TASP1: variants seen among roughly 807,000 people sequenced by gnomAD.
The protein encoded by TASP1 is taspase 1.
Under a neutral mutation model 56.6 loss-of-function variants are expected in TASP1, and 16 were observed. The observed-to-expected ratio is 0.28, with a 90% CI of 0.19 to 0.43. The LOEUF (loss-of-function observed/expected upper bound fraction) is 0.43, where lower values mean the gene tolerates loss of function less well. Ranked by LOEUF, TASP1 falls within the 20% of genes least tolerant of loss-of-function variation. The pLI is 1.00. For missense variants in TASP1, 393 were observed against 511.6 expected (o/e 0.77, Z 2.24); for synonymous variants, 179 against 184.2 (o/e 0.97, Z 0.23).
intron 10 of TASP1, among the ~76,000 whole-genome samples, chr20:13,499,071 A>C (rs6134890): frequency 0.22 from 33,898 of 152,146 alleles, 3,900 homozygotes; most frequent in Middle Eastern, 0.29. Flanking sequence ...ACCGAGGTGC[A>C]TATTAATGGT....
At chr20:13,258,743 G>A in the TASP1 span, among the ~76,000 whole-genome samples, 344 of 152,138 alleles carry the variant, frequency 2.3e-3, 2 homozygotes, top group Non-Finnish European at 2.9e-3. Context: ...GAATTGTATC[G>A]GGGAAAAATG....
At chr20:13,330,045 C>G in the TASP1 span, among the ~76,000 whole-genome samples, 1 of 152,010 alleles carries the variant, frequency 6.6e-6, no homozygotes, top group East Asian at 1.9e-4. Context: ...CAACCTCTGC[C>G]TCCTAAATTC....
At chr20:13,191,279 T>C in the TASP1 span, among the ~76,000 whole-genome samples, 1 of 152,162 alleles carries the variant, frequency 6.6e-6, no homozygotes, top group Admixed American at 6.5e-5. Context: ...TCGGACGAGG[T>C]ATCTGCATTC....
chr20:13,180,133 T>C, the TASP1 span, among the ~76,000 whole-genome samples: 1 of 152,188 alleles, frequency 6.6e-6, no homozygotes, highest in Admixed American at 6.5e-5. Context: ...AATCTAGTAA[T>C]GATTTCAAGA....
chr20:13,225,355 G>A, the TASP1 span, among the ~76,000 whole-genome samples: 7 of 152,184 alleles, frequency 4.6e-5, no homozygotes, highest in Non-Finnish European at 8.8e-5. Flanking sequence ...ATACACTCAA[G>A]AGAGAGAAAG....
chr20:13,557,402 A>G (rs1395831867), intron 8 of TASP1, among the ~76,000 whole-genome samples: 2 of 152,112 alleles, frequency 1.3e-5, no homozygotes, highest in Non-Finnish European at 2.9e-5. Flanking sequence ...CATTTACTGT[A>G]ATAAAAATCA....
chr20:13,243,653 T>TA, the TASP1 span, among the ~76,000 whole-genome samples: 37,477 of 151,232 alleles, frequency 0.25, 4,698 homozygotes, highest in African/African-American at 0.3. Flanking sequence ...AAGCTATGAA[T>TA]AAAAAAAAAT....
the TASP1 span, among the ~76,000 whole-genome samples, chr20:13,365,020 A>T: frequency 5.9e-5 from 9 of 152,262 alleles, no homozygotes; most frequent in African/African-American, 9.6e-5. Context: ...CAGAACAAAC[A>T]GATCAATTTA....
intron 4 of TASP1, among the ~76,000 whole-genome samples, chr20:13,614,360 G>A (rs753853150): frequency 6.6e-5 from 10 of 150,482 alleles, no homozygotes; most frequent in Non-Finnish European, 1.0e-4. Context: ...AACAACATAC[G>A]TAGTAGAAAC....
At chr20:13,274,648 T>TCCCGCCCCCTCTCCACTC in the TASP1 span, among the ~76,000 whole-genome samples, 1 of 151,192 alleles carries the variant, frequency 6.6e-6, no homozygotes, top group Non-Finnish European at 1.5e-5. Flanking sequence ...AGAGTCCACG[T>TCCCGCCCCCTCTCCACTC]CCCGCCCCCT....
chr20:13,459,635 C>T (rs112169934), intron 11 of TASP1, among the ~76,000 whole-genome samples: 11 of 152,080 alleles, frequency 7.2e-5, no homozygotes, highest in Non-Finnish European at 1.5e-4. Flanking sequence ...CTGACCTATA[C>T]TTTCTTGTTT....
the TASP1 span, among the ~76,000 whole-genome samples, chr20:13,197,235 T>A: frequency 2.6e-5 from 4 of 152,324 alleles, no homozygotes; most frequent in East Asian, 7.7e-4. Context: ...AGACTATTTG[T>A]TTCATCTGGT....
chr20:13,539,535 G>A (rs2045544914), intron 8 of TASP1, among the ~76,000 whole-genome samples: 1 of 152,168 alleles, frequency 6.6e-6, no homozygotes, highest in African/African-American at 2.4e-5. Flanking sequence ...GGACAACAGA[G>A]TAAGACACTA....
chr20:13,305,534 G>A, the TASP1 span, among the ~76,000 whole-genome samples: 2 of 152,174 alleles, frequency 1.3e-5, no homozygotes, highest in East Asian at 3.8e-4. Flanking sequence ...AAAAATGTGT[G>A]GGTCGTCCCA....
intron 8 of TASP1, among the ~76,000 whole-genome samples, chr20:13,549,657 C>T (rs1200571133): frequency 6.6e-6 from 1 of 152,046 alleles, no homozygotes; most frequent in Non-Finnish European, 1.5e-5. Context: ...GATATGAAGG[C>T]TTCTATCTGT....
chr20:13,284,392 G>C, the TASP1 span, among the ~76,000 whole-genome samples: 2 of 152,194 alleles, frequency 1.3e-5, no homozygotes. Context: ...TGAGTTATTT[G>C]ATGTCACAGC....
rs142194853 is a variant in TASP1, at chr20:13,467,206, C to CAT, written c.985+16020_985+16021insAT. 3.3e-5 allele frequency among the ~76,000 whole-genome samples: 5 copies of CAT among 151,420 alleles called. No homozygotes were observed. The East Asian group carries it at 9.7e-4, about 29-fold the overall frequency. ...TACAATACACACACACACACACACA[C>CAT]ACACACACACGACACACAAATACTT... On this transcript the variant is annotated intron_variant, in intron 11 of 13. Coordinates refer to ENST00000337743, the MANE Select transcript of TASP1 (RefSeq NM_017714.3).
At chr20:13,447,837 T>C (rs960418213) in intron 11 of TASP1, among the ~76,000 whole-genome samples, 5 of 152,146 alleles carry the variant, frequency 3.3e-5, no homozygotes, top group East Asian at 1.9e-4. Context: ...ATTTTTTTCT[T>C]ACTAATTTGC....
chr20:13,581,116 T>C (rs1394294347), intron 5 of TASP1, 135 bp from the exon 6 acceptor site: 7 of 691,932 alleles, frequency 1.0e-5, no homozygotes, highest in Non-Finnish European at 1.6e-5. Context: ...CAAATAATAC[T>C]AATGAAAACC....
Sources: allele counts gnomAD v4.1 joint callset (sites outside exome capture counted in the v4.1 genomes callset), GRCh38; gene constraint gnomAD v4.1.1; transcripts MANE v1.5; gene names NCBI Gene and HGNC (gene_info 2026-07-23, HGNC 2026-07-21).